The following PCDH11X variants were observed in gnomAD, a reference collection of about 807,000 sequenced individuals.
PCDH11X encodes protocadherin-11 X-linked.
A neutral mutation model predicts 53.3 loss-of-function variants in PCDH11X; 18 were observed. That is an observed-to-expected ratio of 0.34 (90% CI 0.23 to 0.50). The LOEUF is 0.50. Among genes scored for constraint, PCDH11X ranks in the 20% least tolerant of loss-of-function variants. The pLI is 0.98. For synonymous variants in PCDH11X, 279 were observed against 393.3 expected (o/e 0.71, Z 3.44); for missense variants, 570 against 1,032.4 (o/e 0.55, Z 6.14).
At chrX:92,580,885 G>A (rs1201741981) in intron 10 of PCDH11X, among the ~76,000 whole-genome samples, 1 of 110,915 alleles carries the variant, frequency 9.0e-6, no homozygotes, top group African/African-American at 3.3e-5. Context: ...TGCCCCGTGT[G>A]GCTCCTGGGT....
intron 9 of PCDH11X, among the ~76,000 whole-genome samples, chrX:92,399,192 CA>C (rs376361040): frequency 0.13 from 12,126 of 91,367 alleles, 711 homozygotes; most frequent in Middle Eastern, 0.21. Flanking sequence ...GACTCCGTGT[CA>C]AAAAAAAAAA....
At chrX:92,113,752 T>C in intron 6 of PCDH11X, 1 of 1,202,258 alleles carries the variant, frequency 8.3e-7, no homozygotes, top group South Asian at 1.8e-5. Flanking sequence ...CTCTTCCTTC[T>C]TGACAAGAAT....
intron 6 of PCDH11X, among the ~76,000 whole-genome samples, chrX:92,079,422 A>G (rs1482478497): frequency 1.1e-4 from 12 of 111,081 alleles, no homozygotes; most frequent in Non-Finnish European, 1.9e-4. Context: ...AGAAATGACC[A>G]GAAGATAGAG....
intron 5 of PCDH11X, among the ~76,000 whole-genome samples, chrX:91,876,047 T>G (rs1477234171): frequency 8.9e-6 from 1 of 112,022 alleles, no homozygotes; most frequent in Admixed American, 9.5e-5. Context: ...CAGCTTCATT[T>G]ATCTTGCAAA....
chrX:92,352,985 G>A (rs1194679203), intron 8 of PCDH11X, among the ~76,000 whole-genome samples: 3 of 110,873 alleles, frequency 2.7e-5, no homozygotes, highest in Non-Finnish European at 5.7e-5. Context: ...GTCTCCACAC[G>A]CTGCTCTGTC....
intron 6 of PCDH11X, among the ~76,000 whole-genome samples, chrX:92,126,477 C>T (rs1055305661): frequency 7.3e-5 from 8 of 109,946 alleles, no homozygotes; most frequent in African/African-American, 1.0e-4. Flanking sequence ...GGTGTGGTGG[C>T]GCATGCCTGT....
At chrX:92,541,702 TAA>T (rs138490491) in intron 10 of PCDH11X, among the ~76,000 whole-genome samples, 150 of 99,276 alleles carry the variant, frequency 1.5e-3, no homozygotes, top group African/African-American at 5.0e-3. Context: ...ATAACTCAAT[TAA>T]AAAAAAAAAC....
intron 10 of PCDH11X, among the ~76,000 whole-genome samples, chrX:92,577,695 T>C (rs915354256): frequency 3.6e-5 from 4 of 111,531 alleles, no homozygotes; most frequent in Non-Finnish European, 7.5e-5. Context: ...TGAAATGTTC[T>C]CTTAACATTG....
chrX:92,105,994 T>A (rs975348892), intron 6 of PCDH11X, among the ~76,000 whole-genome samples: 2 of 111,422 alleles, frequency 1.8e-5, no homozygotes, highest in African/African-American at 6.6e-5. Context: ...TATAAACAAA[T>A]ATTTGTAGGT....
At chrX:92,281,908 T>C (rs921235615) in intron 8 of PCDH11X, among the ~76,000 whole-genome samples, 1 of 111,967 alleles carries the variant, frequency 8.9e-6, no homozygotes, top group African/African-American at 3.2e-5. Context: ...GGGACTGAGA[T>C]ATATCTTCAG....
chrX:91,782,134 G>A (rs1388556934), intron 1 of PCDH11X, among the ~76,000 whole-genome samples: 1 of 112,128 alleles, frequency 8.9e-6, no homozygotes, highest in Non-Finnish European at 1.9e-5. Flanking sequence ...GCGCGCAGCC[G>A]CCCTCGTGTC....
At position 92,264,845 on chromosome X, in the gene PCDH11X, G is replaced by A. The variant is rs775155562; in HGVS notation, c.3144+1702G>A. On this transcript the variant is annotated intron_variant, in intron 8 of 10. Coordinates refer to ENST00000682573, the MANE Select transcript of PCDH11X (RefSeq NM_032968.5). ...TTCAACATGTAAATAATCGACATAA[G>A]GACCAATGGAAAAAGAGGTTCTTAG... 2.6e-4 allele frequency among the ~76,000 whole-genome samples: 27 copies of A among 105,300 alleles called. No homozygotes were observed. The East Asian group carries it at 7.4e-3, about 29-fold the overall frequency. The allele number at this position is 105,300 out of a possible 115,157, so 91.4% of individuals were successfully genotyped here.
intron 8 of PCDH11X, among the ~76,000 whole-genome samples, chrX:92,380,674 T>A (rs1213398644): frequency 1.8e-5 from 2 of 111,389 alleles, no homozygotes; most frequent in African/African-American, 6.5e-5. Flanking sequence ...AATAATATAT[T>A]GGAGGTAAAT....
At chrX:92,578,425 A>G (rs1282568768) in intron 10 of PCDH11X, among the ~76,000 whole-genome samples, 1 of 110,791 alleles carries the variant, frequency 9.0e-6, no homozygotes, top group Non-Finnish European at 1.9e-5. Flanking sequence ...GAGGTCTCTA[A>G]TAATTTGTTT....
intron 8 of PCDH11X, among the ~76,000 whole-genome samples, chrX:92,352,956 A>G (rs190655508): frequency 3.6e-5 from 4 of 109,988 alleles, no homozygotes; most frequent in Non-Finnish European, 3.8e-5. Flanking sequence ...AGTTCTTGGA[A>G]CAAAAGTCCA....
intron 1 of PCDH11X, among the ~76,000 whole-genome samples, chrX:91,783,685 G>GC (rs1935236782): frequency 8.9e-6 from 1 of 111,839 alleles, no homozygotes; most frequent in South Asian, 3.8e-4. Context: ...TAAGCCACTG[G>GC]CTTTGAGCTA....
At chrX:92,456,803 G>T (rs1359818516) in intron 9 of PCDH11X, among the ~76,000 whole-genome samples, 5 of 109,835 alleles carry the variant, frequency 4.6e-5, no homozygotes, top group Non-Finnish European at 7.6e-5. Context: ...TGCTTTTTAT[G>T]CTTTGTTCTT....
At chrX:91,848,029 G>A (rs1032271865) in intron 5 of PCDH11X, among the ~76,000 whole-genome samples, 19 of 111,175 alleles carry the variant, frequency 1.7e-4, no homozygotes, top group African/African-American at 6.2e-4. Context: ...ATGTGTGACC[G>A]AGTTTCTCCT....
rs757375803 is a variant in PCDH11X, at chrX:92,041,816, A to G, written c.3034-159559A>G. ...AAACCCCATCTCTACTAAAAATACA[A>G]AAGTTAGCCGGGTTTGGTGGCATGT... is the stretch of plus-strand genomic sequence containing the variant. On this transcript the variant is annotated intron_variant, in intron 6 of 10. Transcript: ENST00000682573. Among the ~76,000 whole-genome samples the G allele has an allele frequency of 3.6e-5, 4 of 111,166 alleles. No homozygotes were observed. The South Asian group carries it at 1.5e-3, about 42-fold the overall frequency.
Sources: gnomAD v4.1 joint callset for allele counts (sites outside exome capture counted in the v4.1 genomes callset) on GRCh38, gnomAD v4.1.1 for gene constraint, MANE v1.5 for transcripts, NCBI Gene and HGNC (gene_info 2026-07-23, HGNC 2026-07-21) for gene names.